GFM2: variants seen among roughly 807,000 people sequenced by gnomAD.
GFM2 encodes the protein GTP dependent ribosome recycling factor mitochondrial 2, also known as ribosome-releasing factor 2, mitochondrial.
A neutral mutation model predicts 95.4 loss-of-function variants in GFM2; 72 were observed. The ratio of observed to expected loss-of-function variants is 0.76; its 90% CI spans 0.62 to 0.92. GFM2 has a LOEUF of 0.92. Among genes scored for constraint, GFM2 ranks in the 40% least tolerant of loss-of-function variants. GFM2 has a pLI of 0.00. For missense variants in GFM2, 825 were observed against 924.1 expected, an observed-to-expected ratio of 0.89 and a Z score of 1.39; for synonymous variants, 276 against 317.5, an observed-to-expected ratio of 0.87 and a Z score of 1.39.
intron 1 of GFM2, chr5:74,764,949 C>G (rs767904475): frequency 6.2e-5 from 13 of 208,086 alleles, no homozygotes; most frequent in Non-Finnish European, 1.0e-4. Flanking sequence ...CCACACTTGG[C>G]TACTTTTTGT....
At chr5:74,750,729 A>T (rs1174127151) in intron 6 of GFM2, 62 bp from the exon 7 acceptor site, 4 of 1,103,622 alleles carry the variant, frequency 3.6e-6, no homozygotes, top group Non-Finnish European at 4.1e-6. Flanking sequence ...TGATCCAGCA[A>T]TCTCACATCT....
At chr5:74,723,720 C>T (rs1750023023) in intron 19 of GFM2, among the ~76,000 whole-genome samples, 1 of 152,140 alleles carries the variant, frequency 6.6e-6, no homozygotes, top group Non-Finnish European at 1.5e-5. Flanking sequence ...CCCCTGCCTT[C>T]ATCTGGTACT....
intron 5 of GFM2, among the ~76,000 whole-genome samples, chr5:74,754,136 T>C: frequency 6.6e-6 from 1 of 152,110 alleles, no homozygotes; most frequent in East Asian, 1.9e-4. Flanking sequence ...GAAGGAAAGA[T>C]ATAGTCTTTT....
intron 13 of GFM2, 23 bp from the exon 14 acceptor site, chr5:74,738,440 T>C: frequency 1.2e-6 from 2 of 1,610,750 alleles, no homozygotes; most frequent in East Asian, 2.2e-5. Context: ...AATTTTATGT[T>C]AGTAAAAGTA....
chr5:74,758,738 T>G, intron 5 of GFM2, 111 bp downstream of exon 5: 1 of 662,668 alleles, frequency 1.5e-6, no homozygotes. Context: ...GGATTAGACA[T>G]CAGTAGCTCT....
At chr5:74,759,491 A>G (rs1744174528) in intron 3 of GFM2, 65 bp from the exon 4 acceptor site, 2 of 828,462 alleles carry the variant, frequency 2.4e-6, no homozygotes, top group African/African-American at 1.7e-5. Context: ...TTTATAAATG[A>G]AAGACTTTAA....
At chr5:74,745,966 C>A in intron 9 of GFM2, 109 bp from the exon 10 acceptor site, 1 of 1,104,002 alleles carries the variant, frequency 9.1e-7, no homozygotes, top group Non-Finnish European at 1.3e-6. Flanking sequence ...CTATTATCAC[C>A]ATTACTATAA....
At chr5:74,756,118 A>G (rs1207626189) in intron 5 of GFM2, among the ~76,000 whole-genome samples, 1 of 152,198 alleles carries the variant, frequency 6.6e-6, no homozygotes. Context: ...TCACATGATC[A>G]TCTCAATAGA....
intron 17 of GFM2, among the ~76,000 whole-genome samples, chr5:74,726,690 T>C (rs536808211): frequency 1.8e-4 from 28 of 152,258 alleles, no homozygotes; most frequent in Admixed American, 1.4e-3. Flanking sequence ...ATCTCCAATA[T>C]TTTACTATGT....
chr5:74,726,033 A>G lies in GFM2; in HGVS notation c.1820T>C (p.Ile607Thr), dbSNP rs1272182145. 6.4e-7 allele frequency: 1 copy of G among 1,561,926 alleles called. No homozygotes were observed. Among genetic ancestry groups the G allele is most frequent in the Non-Finnish European group, 8.8e-7 (1 of 1,141,102 alleles). Residue 607 changes from isoleucine (I) to threonine (T), a missense_variant, in exon 18 of 21, where the codon ATT (isoleucine) becomes ACT (threonine). Ile to Thr is a moderately conservative substitution (Grantham distance 89). Coordinates refer to ENST00000296805, the MANE Select transcript of GFM2 (RefSeq NM_032380.5). ...GATACTTTCAGCATACTCAAACTCA[A>G]TCACAGGCATAACAGATGATGTTTC... ...PIETSSVMPVIEFEYAESINE... is the reference protein window; with the variant it reads ...PIETSSVMPVTEFEYAESINE...
At chr5:74,741,299 T>A (rs1049864142) in intron 11 of GFM2, among the ~76,000 whole-genome samples, 1 of 152,110 alleles carries the variant, frequency 6.6e-6, no homozygotes, top group African/African-American at 2.4e-5. Context: ...CAATAGAAGT[T>A]AAACAGATTC....
At chr5:74,758,132 G>C (rs1032165637) in intron 5 of GFM2, among the ~76,000 whole-genome samples, 3 of 151,982 alleles carry the variant, frequency 2.0e-5, no homozygotes, top group Non-Finnish European at 4.4e-5. Flanking sequence ...CTTGGTTAAG[G>C]ATTAACAAAA....
At position 74,745,831 on chromosome 5, in the gene GFM2, G is replaced by C. The variant is rs948527010; in HGVS notation, c.696C>G (p.Phe232Leu). 4.3e-6 allele frequency: 7 copies of C among 1,612,032 alleles called. No individual in the cohort carries two copies. The change falls in exon 10 of 21, where the codon TTC becomes TTG. Residue 232 changes from phenylalanine to leucine, a missense_variant. Transcript: ENST00000296805. ...TCATTACTACATCCACCACTCCTTT[G>C]AAAGTTTTGGCTTCACCAATTGGTA... ...LQLPIGEAKT[F>L]KGVVDVVMKE...
At chr5:74,734,806 CTAAG>C (rs1457373074) in intron 15 of GFM2, among the ~76,000 whole-genome samples, 1 of 151,608 alleles carries the variant, frequency 6.6e-6, no homozygotes, top group African/African-American at 2.4e-5. Context: ...TGAAAGAAGT[CTAAG>C]TAAGGGAGCT....
rs1446788242 is a variant in GFM2, at chr5:74,726,147, G to A, written c.1727-21C>T. The A allele has an allele frequency of 5.1e-6, 8 of 1,556,428 alleles. No individual in the cohort carries two copies. In the Admixed American group the frequency reaches 7.4e-5, roughly 14 times the overall value. On this transcript the variant is annotated intron_variant, in intron 17 of 20. Coordinates refer to ENST00000296805, the MANE Select transcript of GFM2 (RefSeq NM_032380.5). ...GGTATCTGTAAACAAATTGAATATG[G>A]CACCTCAGAGATTAATTCTGGAAAG... is the stretch of plus-strand genomic sequence containing the variant.
rs572606330 is a variant in GFM2, at chr5:74,736,881, T to G, written c.1425A>C (p.Ala475=). 2.5e-6 allele frequency: 4 copies of G among 1,613,992 alleles called. No homozygotes were observed. Among genetic ancestry groups the G allele is most frequent in the Non-Finnish European group, 2.5e-6 (3 of 1,179,872 alleles). Reference sequence around the variant, plus strand: ...CCACTCCAGCCAATAAAAGTCTCTCTGCTTCATTGTTTTGTCTGTGCTTCT... The same window carrying G: ...CCACTCCAGCCAATAAAAGTCTCTCGGCTTCATTGTTTTGTCTGTGCTTCT... ...GEKKHRQNNE[A]ERLLLAGVEI... is the part of the protein sequence containing the mutation. Residue 475 remains alanine (A), a synonymous_variant, in exon 15 of 21, where the codon GCA becomes GCC. Transcript: ENST00000296805.
At chr5:74,754,319 AAAC>A (rs1278733484) in intron 5 of GFM2, among the ~76,000 whole-genome samples, 1 of 150,776 alleles carries the variant, frequency 6.6e-6, no homozygotes, top group Non-Finnish European at 1.5e-5. Flanking sequence ...AAAAAAAAAA[AAAC>A]AAGGTATTCA....
chr5:74,746,294 C>CTTGTTACCTTGATCAATTCAT, intron 8 of GFM2, 129 bp from the exon 9 acceptor site: 1 of 471,606 alleles, frequency 2.1e-6, no homozygotes. Flanking sequence ...CTTTATTCTC[C>CTTGTTACCTTGATCAATTCAT]TTAACGCTCA....
rs1427447326 is a variant in GFM2, at chr5:74,722,369, A to G, written c.2211+10T>C. ...GAAGAATATGTACTTTTCAGTTACA[A>G]AGTACCTACCATAATTTCTGCTAAG... On this transcript the variant is annotated intron_variant, in intron 20 of 20. Transcript: ENST00000296805. The G allele has an allele frequency of 1.9e-6, 3 of 1,609,758 alleles. No individual in the cohort carries two copies. Among genetic ancestry groups the G allele is most frequent in the Non-Finnish European group, 2.5e-6 (3 of 1,176,904 alleles).
Sources: allele counts gnomAD v4.1 joint callset (sites outside exome capture counted in the v4.1 genomes callset), GRCh38; gene constraint gnomAD v4.1.1; transcripts MANE v1.5; gene names NCBI Gene and HGNC (gene_info 2026-07-23, HGNC 2026-07-21).